Variants in RASEF observed in about 807,000 individuals in gnomAD.
RASEF encodes the protein RAS and EF-hand domain containing.
RASEF carries 68 observed loss-of-function variants against 90.1 expected under a neutral mutation model. The ratio of observed to expected loss-of-function variants is 0.75; its 90% CI spans 0.62 to 0.92. The LOEUF (loss-of-function observed/expected upper bound fraction) is 0.92. RASEF is among the 40% of genes least tolerant of loss of function. RASEF has a pLI of 0.00. For synonymous variants in RASEF, 331 were observed against 345.2 expected (o/e 0.96, Z 0.46); for missense variants, 949 against 937.2 (o/e 1.01, Z -0.16).
the RASEF span, among the ~76,000 whole-genome samples, chr9:83,189,628 G>T: frequency 6.6e-6 from 1 of 152,084 alleles, no homozygotes; most frequent in African/African-American, 2.4e-5. Context: ...AACAAAAATT[G>T]ATTATATTTC....
the RASEF span, among the ~76,000 whole-genome samples, chr9:83,113,665 C>A: frequency 6.6e-6 from 1 of 152,074 alleles, no homozygotes; most frequent in Non-Finnish European, 1.5e-5. Flanking sequence ...CTGTCTTATG[C>A]GGTTGAGATA....
the RASEF span, among the ~76,000 whole-genome samples, chr9:83,136,313 G>A: frequency 1.4e-4 from 21 of 151,992 alleles, no homozygotes; most frequent in East Asian, 3.9e-4. Context: ...ATACCTTTGC[G>A]CAAAGTGAAA....
At chr9:83,183,938 A>G in the RASEF span, among the ~76,000 whole-genome samples, 36 of 152,220 alleles carry the variant, frequency 2.4e-4, no homozygotes, top group Non-Finnish European at 4.4e-4. Flanking sequence ...GTTAAAACTC[A>G]GATGGCCAGG....
chr9:83,217,878 C>T, the RASEF span, among the ~76,000 whole-genome samples: 1 of 152,154 alleles, frequency 6.6e-6, no homozygotes, highest in Non-Finnish European at 1.5e-5. Context: ...GTGTCTGGTC[C>T]AGAAAAGGTA....
chr9:83,089,537 G>C, the RASEF span, among the ~76,000 whole-genome samples: 310 of 152,186 alleles, frequency 2.0e-3, 3 homozygotes, highest in Non-Finnish European at 2.9e-3. Context: ...ATTTTTAAAG[G>C]AGAGCTTTAC....
the RASEF span, among the ~76,000 whole-genome samples, chr9:83,159,081 G>A: frequency 1.3e-5 from 2 of 151,854 alleles, no homozygotes; most frequent in African/African-American, 4.8e-5. Context: ...AGCTACTTGG[G>A]AGGCTGAAGC....
intron 1 of RASEF, among the ~76,000 whole-genome samples, chr9:83,042,845 T>C (rs1387448809): frequency 2.6e-5 from 4 of 152,098 alleles, no homozygotes; most frequent in African/African-American, 9.7e-5. Flanking sequence ...TAATTTGTTT[T>C]CCAAAACTTC....
At chr9:82,985,818 A>C (rs1181292113) in intron 16 of RASEF, among the ~76,000 whole-genome samples, 2 of 152,170 alleles carry the variant, frequency 1.3e-5, no homozygotes, top group Non-Finnish European at 2.9e-5. Flanking sequence ...AAGAGAGAAA[A>C]GGAATCAAGA....
intron 6 of RASEF, among the ~76,000 whole-genome samples, chr9:83,008,082 T>A (rs1829166166): frequency 6.6e-6 from 1 of 151,990 alleles, no homozygotes; most frequent in Non-Finnish European, 1.5e-5. Context: ...TCTGTGGCAA[T>A]CCCTCTGTTG....
the RASEF span, among the ~76,000 whole-genome samples, chr9:83,195,702 T>C: frequency 6.6e-6 from 1 of 152,004 alleles, no homozygotes; most frequent in African/African-American, 2.4e-5. Context: ...ATGAGTGATA[T>C]AAAGAGGCAG....
At chr9:82,989,143 C>T (rs183030260) in intron 16 of RASEF, among the ~76,000 whole-genome samples, 10 of 152,284 alleles carry the variant, frequency 6.6e-5, no homozygotes, top group Admixed American at 5.2e-4. Context: ...CTAGTCCAAA[C>T]ATTCTATTAA....
the RASEF span, among the ~76,000 whole-genome samples, chr9:83,158,965 T>C: frequency 6.6e-6 from 1 of 151,692 alleles, no homozygotes; most frequent in African/African-American, 2.4e-5. Context: ...GGCGGGTAGA[T>C]CACAAGGTCA....
the RASEF span, among the ~76,000 whole-genome samples, chr9:83,193,492 G>T: frequency 6.6e-6 from 1 of 152,184 alleles, no homozygotes; most frequent in African/African-American, 2.4e-5. Context: ...GTTTTAGAGA[G>T]AAAATCCATT....
At position 83,000,171 on chromosome 9, in the gene RASEF, A is replaced by C. The variant is rs773119570; in HGVS notation, c.1721T>G (p.Leu574Arg). Residue 574 changes from leucine (L) to arginine (R), a missense_variant and splice_region_variant, in exon 12 of 17, where the codon CTG (leucine) becomes CGG (arginine). Physicochemically the swap from Leu to Arg is moderately radical, Grantham distance 102. Around this residue, in one of 3 missense-constraint regions of RASEF, gnomAD observed 288 missense variants for 328.4 expected, o/e 0.88. Coordinates refer to ENST00000376447, the MANE Select transcript of RASEF (RefSeq NM_152573.4). ...NEFRENISAT[L>R]GVDFQMKTLI... ...ATCAACCGAAATACGAGCCATACCC[A>C]GGGTGGCGCTTATATTTTCTCGAAA... 2.5e-6 allele frequency: 4 copies of C among 1,612,686 alleles called. No homozygotes were observed. Among genetic ancestry groups the C allele is most frequent in the Non-Finnish European group, 3.4e-6 (4 of 1,179,664 alleles).
At chr9:83,004,400 A>G in intron 9 of RASEF, 98 bp downstream of exon 9, 3 of 368,158 alleles carry the variant, frequency 8.1e-6, no homozygotes, top group Non-Finnish European at 1.4e-5. Flanking sequence ...TTAGTGACCA[A>G]AGTATATTCT....
At chr9:83,197,890 C>T in the RASEF span, among the ~76,000 whole-genome samples, 1 of 152,348 alleles carries the variant, frequency 6.6e-6, no homozygotes, top group East Asian at 1.9e-4. Context: ...TTCCGCTGAG[C>T]TTGGTCTTGA....
At chr9:83,034,176 G>A (rs1056395550) in intron 1 of RASEF, among the ~76,000 whole-genome samples, 28 of 152,114 alleles carry the variant, frequency 1.8e-4, no homozygotes, top group Non-Finnish European at 2.4e-4. Flanking sequence ...AGTTGCTTAC[G>A]ACTGGCTGTG....
chr9:83,100,829 G>C, the RASEF span, among the ~76,000 whole-genome samples: 1 of 152,072 alleles, frequency 6.6e-6, no homozygotes, highest in Non-Finnish European at 1.5e-5. Context: ...CATAGAATGG[G>C]CTCAATAAAT....
At chr9:83,114,918 A>C in the RASEF span, among the ~76,000 whole-genome samples, 1 of 152,182 alleles carries the variant, frequency 6.6e-6, no homozygotes, top group East Asian at 1.9e-4. Flanking sequence ...TACCTTGTGA[A>C]GAATGTGATC....
Sources: gnomAD v4.1 joint callset for allele counts (sites outside exome capture counted in the v4.1 genomes callset) on GRCh38, gnomAD v4.1.1 for gene constraint, gnomAD v4.1.1 regional missense constraint, MANE v1.5 for transcripts, NCBI Gene and HGNC (gene_info 2026-07-23, HGNC 2026-07-21) for gene names.